MACROD2: variants seen among roughly 807,000 people sequenced by gnomAD.
MACROD2 encodes the protein mono-ADP ribosylhydrolase 2.
A neutral mutation model predicts 70.4 loss-of-function variants in MACROD2; 36 were observed. The ratio of observed to expected loss-of-function variants is 0.51; its 90% CI spans 0.39 to 0.68. The LOEUF is 0.68. MACROD2 is among the 30% of genes least tolerant of loss of function. The pLI, the probability that MACROD2 is intolerant of heterozygous loss-of-function variation, is 0.00. For missense variants in MACROD2, 496 were observed against 538.4 expected, an observed-to-expected ratio of 0.92 and a Z score of 0.78; for synonymous variants, 172 against 178.8, an observed-to-expected ratio of 0.96 and a Z score of 0.30.
intron 5 of MACROD2, among the ~76,000 whole-genome samples, chr20:14,770,393 T>C (rs2072149484): frequency 6.6e-6 from 1 of 152,072 alleles, no homozygotes; most frequent in South Asian, 2.1e-4. Flanking sequence ...AGGATTTCTC[T>C]TTTTAGCTTT....
chr20:16,040,556 T>A (rs1480327366), intron 15 of MACROD2, among the ~76,000 whole-genome samples: 1 of 151,986 alleles, frequency 6.6e-6, no homozygotes, highest in Admixed American at 6.6e-5. Context: ...GTTTTTACAA[T>A]ATGAAACACA....
chr20:14,043,093 A>AT (rs898124325), intron 2 of MACROD2, among the ~76,000 whole-genome samples: 1 of 151,672 alleles, frequency 6.6e-6, no homozygotes, highest in African/African-American at 2.4e-5. Flanking sequence ...TAATTTTTAA[A>AT]TTTTTTTGTA....
At chr20:15,434,614 T>G (rs1013297435) in intron 7 of MACROD2, among the ~76,000 whole-genome samples, 13 of 152,108 alleles carry the variant, frequency 8.5e-5, no homozygotes, top group African/African-American at 2.9e-4. Context: ...GGTATGGAGA[T>G]TCCTTAAAGA....
chr20:15,909,110 A>T (rs1001739950), intron 10 of MACROD2, among the ~76,000 whole-genome samples: 15 of 152,178 alleles, frequency 9.9e-5, no homozygotes, highest in Non-Finnish European at 2.2e-4. Flanking sequence ...GGCTTCTCTT[A>T]CTCACTTGTC....
chr20:14,243,875 G>A (rs1291985459), intron 3 of MACROD2, among the ~76,000 whole-genome samples: 2 of 152,160 alleles, frequency 1.3e-5, no homozygotes, highest in Non-Finnish European at 2.9e-5. Context: ...TTCCATATAA[G>A]TTGTTTTATC....
chr20:15,923,512 T>C (rs2065443153), intron 10 of MACROD2, among the ~76,000 whole-genome samples: 1 of 152,110 alleles, frequency 6.6e-6, no homozygotes, highest in African/African-American at 2.4e-5. Flanking sequence ...ATATCACCAA[T>C]CATTCTCAAA....
chr20:15,503,211 A>G (rs2047385960), intron 8 of MACROD2, among the ~76,000 whole-genome samples: 1 of 152,220 alleles, frequency 6.6e-6, no homozygotes. Flanking sequence ...TGGTGCATTT[A>G]CTGAGATGAA....
At chr20:15,002,098 A>G (rs951657222) in intron 5 of MACROD2, among the ~76,000 whole-genome samples, 10 of 152,220 alleles carry the variant, frequency 6.6e-5, no homozygotes, top group African/African-American at 2.4e-4. Context: ...TCTTTTTCAT[A>G]TAATGACTTC....
intron 3 of MACROD2, among the ~76,000 whole-genome samples, chr20:14,108,668 G>C (rs1189596821): frequency 1.3e-5 from 2 of 151,854 alleles, no homozygotes; most frequent in Non-Finnish European, 2.9e-5. Flanking sequence ...AGATAAAGAA[G>C]GTCATTATAT....
At chr20:15,750,560 C>CA (rs11464330) in intron 8 of MACROD2, among the ~76,000 whole-genome samples, 21,343 of 147,034 alleles carry the variant, frequency 0.15, 2,823 homozygotes, top group African/African-American at 0.36. Context: ...GGAGGTTCCT[C>CA]AAAAAAAAAA....
rs148612377 is a variant in MACROD2 at position 15,754,477 on chromosome 20, G to A, written c.646-108268G>A. 5.3e-3 allele frequency among the ~76,000 whole-genome samples: 800 copies of A among 152,108 alleles called. 5 individuals are homozygous for A. Among genetic ancestry groups the A allele is most frequent in the Middle Eastern group, 0.027 (8 of 294 alleles). On this transcript the variant is annotated intron_variant, in intron 8 of 17. Transcript: ENST00000684519. ...ACCTCTACTAAAAATACAAAAATTA[G>A]CTGGGTGTGGTGACCCATGCTACTC...
At chr20:15,241,974 G>A (rs1389946388) in intron 6 of MACROD2, among the ~76,000 whole-genome samples, 2 of 152,058 alleles carry the variant, frequency 1.3e-5, no homozygotes, top group Non-Finnish European at 2.9e-5. Context: ...AATGCAATTA[G>A]ATTCTCCAAG....
chr20:15,490,668 T>A (rs1451947973), intron 7 of MACROD2, among the ~76,000 whole-genome samples: 1 of 151,930 alleles, frequency 6.6e-6, no homozygotes, highest in Non-Finnish European at 1.5e-5. Context: ...TGAGAAAAAG[T>A]TTGAGAGAGA....
At chr20:16,021,093 AT>A (rs977733100) in intron 15 of MACROD2, among the ~76,000 whole-genome samples, 22 of 152,136 alleles carry the variant, frequency 1.4e-4, no homozygotes, top group African/African-American at 4.1e-4. Flanking sequence ...TGGTGGGCAA[AT>A]TTTTAATAGA....
chr20:15,281,433 C>T (rs1039743271), intron 6 of MACROD2, among the ~76,000 whole-genome samples: 6 of 152,170 alleles, frequency 3.9e-5, no homozygotes, highest in Admixed American at 1.3e-4. Flanking sequence ...TTAGTTACTT[C>T]CTAGATACAA....
At chr20:14,606,359 T>C (rs1982799081) in intron 4 of MACROD2, among the ~76,000 whole-genome samples, 2 of 152,130 alleles carry the variant, frequency 1.3e-5, no homozygotes, top group Non-Finnish European at 2.9e-5. Context: ...CCTCATAGGA[T>C]TTTTGGGAAT....
intron 8 of MACROD2, among the ~76,000 whole-genome samples, chr20:15,653,528 C>T (rs2146800816): frequency 6.6e-6 from 1 of 152,304 alleles, no homozygotes; most frequent in Non-Finnish European, 1.5e-5. Context: ...ACCATTCCAA[C>T]ATCTGGTTGG....
intron 3 of MACROD2, among the ~76,000 whole-genome samples, chr20:14,289,092 T>G (rs796623155): frequency 2.0e-5 from 3 of 152,326 alleles, no homozygotes; most frequent in African/African-American, 7.2e-5. Flanking sequence ...CTCAGAGAAT[T>G]GCTCTGTCTC....
chr20:15,993,458 A>G (rs909350578), intron 15 of MACROD2, among the ~76,000 whole-genome samples: 1 of 152,156 alleles, frequency 6.6e-6, no homozygotes, highest in Non-Finnish European at 1.5e-5. Context: ...AACATGCTGT[A>G]TGGGTTTATA....
Sources: gnomAD v4.1 joint callset for allele counts (sites outside exome capture counted in the v4.1 genomes callset) on GRCh38, gnomAD v4.1.1 for gene constraint, MANE v1.5 for transcripts, NCBI Gene and HGNC (gene_info 2026-07-23, HGNC 2026-07-21) for gene names.